Variants in ADAMTS19 observed in about 807,000 individuals in gnomAD.
ADAMTS19 encodes the protein A disintegrin and metalloproteinase with thrombospondin motifs 19.
A neutral mutation model predicts 153.3 loss-of-function variants in ADAMTS19; 93 were observed. The ratio of observed to expected loss-of-function variants is 0.61; its 90% CI spans 0.51 to 0.72. The LOEUF is 0.72. ADAMTS19 is among the 30% of genes least tolerant of loss of function. The pLI is 0.00. For synonymous variants in ADAMTS19, 600 were observed against 556.6 expected (o/e 1.08, Z -1.10); for missense variants, 1,482 against 1,552.1 (o/e 0.95, Z 0.76).
chr5:129,684,075 G>T, intron 17 of ADAMTS19, 45 bp from the exon 18 acceptor site: 1 of 1,558,074 alleles, frequency 6.4e-7, no homozygotes. Flanking sequence ...CATTGCACGT[G>T]CTCTAGTTTG....
At chr5:129,544,940 G>C (rs1181081514) in intron 6 of ADAMTS19, among the ~76,000 whole-genome samples, 1 of 152,118 alleles carries the variant, frequency 6.6e-6, no homozygotes, top group Non-Finnish European at 1.5e-5. Flanking sequence ...GAAGCACTTA[G>C]TGAAAGCATA....
chr5:129,607,163 C>T (rs1201886697), intron 8 of ADAMTS19, among the ~76,000 whole-genome samples: 3 of 152,128 alleles, frequency 2.0e-5, no homozygotes, highest in East Asian at 1.9e-4. Flanking sequence ...GTGATCCACC[C>T]GCGGTGGCCT....
At chr5:129,620,155 G>T (rs1751713453) in intron 8 of ADAMTS19, among the ~76,000 whole-genome samples, 1 of 151,808 alleles carries the variant, frequency 6.6e-6, no homozygotes, top group South Asian at 2.1e-4. Flanking sequence ...GAAGAAGATG[G>T]TCTAATGAAA....
At chr5:129,472,301 C>A (rs1184991758) in intron 2 of ADAMTS19, among the ~76,000 whole-genome samples, 1 of 152,220 alleles carries the variant, frequency 6.6e-6, no homozygotes, top group Non-Finnish European at 1.5e-5. Context: ...GGCAGCCACT[C>A]CAGTGGCTCT....
intron 7 of ADAMTS19, among the ~76,000 whole-genome samples, chr5:129,591,912 C>A (rs1750152142): frequency 1.3e-5 from 2 of 152,020 alleles, no homozygotes; most frequent in South Asian, 4.1e-4. Flanking sequence ...GAAAAGGCAT[C>A]CTGGAGGGTT....
intron 6 of ADAMTS19, among the ~76,000 whole-genome samples, chr5:129,539,783 A>G (rs534271533): frequency 7.1e-4 from 108 of 152,240 alleles, no homozygotes; most frequent in African/African-American, 2.5e-3. Flanking sequence ...GCTCTGTCAA[A>G]GGGTACACAT....
rs138504329 is a variant in ADAMTS19, at chr5:129,595,813, T to A, written c.1373-746T>A. Among the ~76,000 whole-genome samples, 1,102 of 152,220 alleles carry A rather than the reference T, an allele frequency of 7.2e-3. 13 individuals are homozygous for A. Among genetic ancestry groups the A allele is most frequent in the African/African-American group, 0.025 (1,045 of 41,564 alleles). On this transcript the variant is annotated intron_variant, in intron 7 of 22. Coordinates refer to ENST00000274487, the MANE Select transcript of ADAMTS19 (RefSeq NM_133638.6). ...ATAACTTACACTTGGTAACAATTCA[T>A]TTTCTGAAATGATTATTCAAGTATA...
chr5:129,709,882 T>C (rs1394345114), intron 21 of ADAMTS19, among the ~76,000 whole-genome samples: 1 of 152,106 alleles, frequency 6.6e-6, no homozygotes, highest in Non-Finnish European at 1.5e-5. Flanking sequence ...ATTCTTAAGG[T>C]GTGTAAATTT....
In ADAMTS19 at chr5:129,641,915, C is replaced by A. The variant is rs1038907480; in HGVS notation, c.1827C>A (p.Thr609=). The part of the protein sequence containing the change: ...CKVEGEKECR[T]KLDPPMDGTD... ...TAGAAGGTGAGAAAGAATGCAGAAC[C>A]AAGCTAGACCCACCAATGGATGGAA... Residue 609 remains threonine, a synonymous_variant, in exon 11 of 23, where the codon ACC becomes ACA. Coordinates refer to ENST00000274487, the MANE Select transcript of ADAMTS19 (RefSeq NM_133638.6). The A allele has an allele frequency of 6.2e-7, 1 of 1,604,012 alleles. No homozygotes were observed. The highest frequency in any genetic ancestry group is 1.4e-5 in the African/African-American group (1 of 73,710).
intron 11 of ADAMTS19, among the ~76,000 whole-genome samples, chr5:129,646,637 C>T (rs546446247): frequency 3.2e-4 from 48 of 152,142 alleles, no homozygotes; most frequent in Non-Finnish European, 5.4e-4. Context: ...TTTAGTCTTT[C>T]ATTCAATTCC....
At chr5:129,726,889 T>C (rs1757232015) in intron 21 of ADAMTS19, among the ~76,000 whole-genome samples, 1 of 152,074 alleles carries the variant, frequency 6.6e-6, no homozygotes, top group African/African-American at 2.4e-5. Context: ...ATAGTATACT[T>C]TCCTCCTTTA....
chr5:129,648,720 AT>A (rs1322384725), intron 12 of ADAMTS19, 77 bp from the exon 13 acceptor site: 1 of 1,176,950 alleles, frequency 8.5e-7, no homozygotes, highest in African/African-American at 1.6e-5. Flanking sequence ...TATATTATTA[AT>A]ATAATGGCTT....
intron 7 of ADAMTS19, among the ~76,000 whole-genome samples, chr5:129,572,774 T>C (rs1753959061): frequency 6.6e-6 from 1 of 151,872 alleles, no homozygotes; most frequent in Non-Finnish European, 1.5e-5. Flanking sequence ...AGGCTGTAAG[T>C]TTACAGGAAT....
chr5:129,679,844 A>AC lies in ADAMTS19; in HGVS notation c.2589dup (p.Val864ArgfsTer39), dbSNP rs748920855. On this transcript the variant is annotated frameshift_variant, in exon 17 of 23. Transcript: ENST00000274487. LOFTEE classifies it high-confidence loss of function. ...TGGAGCCTTCAATTTGGCTGGAACT[A>AC]CCGTTCATTATGTAAGACGAGGCCT... 3 of 1,614,016 alleles carry AC rather than the reference A, an allele frequency of 1.9e-6. No homozygotes were observed. Among genetic ancestry groups the AC allele is most frequent in the Non-Finnish European group, 2.5e-6 (3 of 1,179,920 alleles).
chr5:129,484,410 T>C (rs1374408338), intron 2 of ADAMTS19, among the ~76,000 whole-genome samples: 1 of 152,180 alleles, frequency 6.6e-6, no homozygotes, highest in Non-Finnish European at 1.5e-5. Context: ...TTTGCCTATA[T>C]ATTTCCATTC....
chr5:129,566,545 T>C (rs1223012262), intron 7 of ADAMTS19, among the ~76,000 whole-genome samples: 1 of 152,194 alleles, frequency 6.6e-6, no homozygotes, highest in Non-Finnish European at 1.5e-5. Context: ...AGTGAGTTTA[T>C]AATTTTTCTC....
At chr5:129,535,610 C>A (rs902210827) in intron 6 of ADAMTS19, among the ~76,000 whole-genome samples, 30 of 152,116 alleles carry the variant, frequency 2.0e-4, no homozygotes, top group African/African-American at 7.0e-4. Flanking sequence ...CCAAGTCAAT[C>A]CTAAGCCAAA....
intron 7 of ADAMTS19, among the ~76,000 whole-genome samples, chr5:129,578,970 C>A (rs1456303965): frequency 6.6e-6 from 1 of 152,038 alleles, no homozygotes; most frequent in Non-Finnish European, 1.5e-5. Flanking sequence ...AATGGGATTG[C>A]TGGGTCAATT....
intron 2 of ADAMTS19, among the ~76,000 whole-genome samples, chr5:129,487,920 A>C (rs188481668): frequency 1.1e-3 from 161 of 152,282 alleles, no homozygotes; most frequent in Non-Finnish European, 1.7e-3. Flanking sequence ...CTGTTGAATT[A>C]AACTGAAGTG....
Sources: allele counts gnomAD v4.1 joint callset (sites outside exome capture counted in the v4.1 genomes callset), GRCh38; gene constraint gnomAD v4.1.1; transcripts MANE v1.5; gene names NCBI Gene and HGNC (gene_info 2026-07-23, HGNC 2026-07-21).